The following SFI1 variants were observed in gnomAD, a reference collection of about 807,000 sequenced individuals.
SFI1 encodes protein SFI1 homolog.
SFI1 carries 195 observed loss-of-function variants against 207.5 expected under a neutral mutation model. That is an observed-to-expected ratio of 0.94 (90% CI 0.84 to 1.06). The LOEUF (loss-of-function observed/expected upper bound fraction) is 1.06. Among genes scored for constraint, SFI1 ranks in the 50% least tolerant of loss-of-function variants. The pLI, the probability that SFI1 is intolerant of heterozygous loss-of-function variation, is 0.00. For missense variants in SFI1, 1,634 were observed against 1,588.0 expected, an observed-to-expected ratio of 1.03 and a Z score of -0.49; for synonymous variants, 630 against 598.9, an observed-to-expected ratio of 1.05 and a Z score of -0.76.
intron 6 of SFI1, among the ~76,000 whole-genome samples, chr22:31,552,761 A>G (rs1431065378): frequency 6.6e-6 from 1 of 152,148 alleles, no homozygotes; most frequent in Non-Finnish European, 1.5e-5. Context: ...ACTGTTTTCC[A>G]TAGAGGTTCA....
intron 8 of SFI1, among the ~76,000 whole-genome samples, chr22:31,568,796 T>C (rs1428792046): frequency 3.9e-5 from 6 of 152,054 alleles, no homozygotes; most frequent in Non-Finnish European, 8.8e-5. Flanking sequence ...ATAGAAAAGT[T>C]TGAGCATCAA....
chr22:31,581,620 T>C (rs1274481349), intron 12 of SFI1, among the ~76,000 whole-genome samples: 1 of 152,162 alleles, frequency 6.6e-6, no homozygotes, highest in African/African-American at 2.4e-5. Flanking sequence ...TGTGTTTCTA[T>C]TGTAAGTCTA....
intron 15 of SFI1, among the ~76,000 whole-genome samples, chr22:31,599,609 C>T (rs1364576208): frequency 2.6e-5 from 4 of 151,890 alleles, no homozygotes; most frequent in African/African-American, 7.3e-5. Flanking sequence ...GGATTACAGG[C>T]GTGAGCCACC....
intron 3 of SFI1, among the ~76,000 whole-genome samples, chr22:31,529,762 C>A (rs538058899): frequency 1.3e-5 from 2 of 152,196 alleles, no homozygotes; most frequent in East Asian, 3.9e-4. Context: ...CCAGCAGTTA[C>A]TCTCTGGAGG....
chr22:31,508,511 T>G (rs2055001880), intron 2 of SFI1, 135 bp downstream of exon 2: 1 of 611,110 alleles, frequency 1.6e-6, no homozygotes, highest in Non-Finnish European at 2.8e-6. Flanking sequence ...CATTGATATT[T>G]CAAATTTTTC....
chr22:31,583,833 T>A (rs749749337), intron 12 of SFI1, 42 bp from the exon 13 acceptor site: 1 of 1,555,114 alleles, frequency 6.4e-7, no homozygotes, highest in East Asian at 2.2e-5. Flanking sequence ...TGTTTTACCT[T>A]TCATCTCAGT....
rs73881394 is a variant in SFI1 at position 31,618,310 on chromosome 22, C to T, written c.3625-4C>T. 3.0e-3 allele frequency: 4,840 copies of T among 1,608,620 alleles called. 109 individuals carry two copies. The African/African-American group carries it at 0.05, about 17-fold the overall frequency. On this transcript the variant is annotated splice_polypyrimidine_tract_variant and splice_region_variant and intron_variant, in intron 32 of 32. Transcript: ENST00000400288. ...CAGCCCTGCCTGTCCCTCCATGGCCCCAGGTGGAAATGCAGATCCAGCTGC... is the reference window on the plus strand; with the variant it reads ...CAGCCCTGCCTGTCCCTCCATGGCCTCAGGTGGAAATGCAGATCCAGCTGC...
At chr22:31,593,775 C>G (rs966387941) in intron 15 of SFI1, among the ~76,000 whole-genome samples, 1 of 150,808 alleles carries the variant, frequency 6.6e-6, no homozygotes, top group African/African-American at 2.4e-5. Context: ...TGGTGGATCA[C>G]TCGCGGTTAG....
chr22:31,554,808 G>A (rs1197892884), intron 6 of SFI1, among the ~76,000 whole-genome samples: 1 of 151,824 alleles, frequency 6.6e-6, no homozygotes. Context: ...GACATTTACT[G>A]CTATAAAGTT....
At chr22:31,528,469 C>A (rs1052389643) in intron 2 of SFI1, among the ~76,000 whole-genome samples, 2 of 152,148 alleles carry the variant, frequency 1.3e-5, no homozygotes, top group African/African-American at 2.4e-5. Flanking sequence ...AGGGGGTGCC[C>A]TCCAGCTCTG....
intron 14 of SFI1, among the ~76,000 whole-genome samples, chr22:31,588,811 C>CA (rs537432528): frequency 0.05 from 5,208 of 103,422 alleles, 229 homozygotes; most frequent in African/African-American, 0.15. Context: ...GACTCTGTCT[C>CA]AAAAAAAAAA....
At chr22:31,591,462 C>G (rs1044915230) in intron 15 of SFI1, among the ~76,000 whole-genome samples, 4 of 152,108 alleles carry the variant, frequency 2.6e-5, no homozygotes, top group Non-Finnish European at 2.9e-5. Context: ...CATCCTGGCC[C>G]GTTCTCAATG....
chr22:31,614,695 A>T, intron 27 of SFI1, 94 bp from the exon 28 acceptor site: 2 of 1,423,102 alleles, frequency 1.4e-6, no homozygotes, highest in Non-Finnish European at 2.0e-6. Context: ...CCTGACTTTC[A>T]GTCTCCCTAT....
intron 4 of SFI1, among the ~76,000 whole-genome samples, chr22:31,537,527 G>A (rs1442558676): frequency 1.3e-5 from 2 of 152,192 alleles, no homozygotes; most frequent in East Asian, 3.8e-4. Flanking sequence ...GTAGGCGGGT[G>A]TAGAGGAAAG....
At chr22:31,590,116 C>G (rs1048049240) in intron 15 of SFI1, among the ~76,000 whole-genome samples, 3 of 151,406 alleles carry the variant, frequency 2.0e-5, no homozygotes, top group Admixed American at 1.3e-4. Context: ...CAGATTCTTT[C>G]TCCTTTTGTT....
intron 10 of SFI1, 102 bp from the exon 11 acceptor site, chr22:31,578,280 G>A (rs1342387684): frequency 9.6e-6 from 11 of 1,150,388 alleles, no homozygotes; most frequent in African/African-American, 1.5e-5. Flanking sequence ...CCTGGCACGT[G>A]TGTTATCCCC....
chr22:31,581,572 A>G (rs1354872839), intron 12 of SFI1, among the ~76,000 whole-genome samples: 2 of 152,072 alleles, frequency 1.3e-5, no homozygotes, highest in Admixed American at 6.6e-5. Context: ...GATTACAGAC[A>G]TGAGCCACCA....
At position 31,611,189 on chromosome 22, in the gene SFI1, G is replaced by A. The variant is rs759944039; in HGVS notation, c.2301G>A (p.Arg767=). 4.3e-6 allele frequency: 7 copies of A among 1,614,006 alleles called. No homozygotes were observed. Among genetic ancestry groups the A allele is most frequent in the Admixed American group, 3.3e-5 (2 of 60,004 alleles). The change falls in exon 23 of 33, where the codon AGG becomes AGA. Residue 767 remains arginine (R), a synonymous_variant. Coordinates refer to ENST00000400288, the MANE Select transcript of SFI1 (RefSeq NM_001007467.3). ...WFQRWWDCSR[R]SAQQRLQLER... is the part of the protein sequence containing the mutation. ...AGCGCTGGTGGGACTGCAGCCGGAG[G>A]TCAGCCCAGCAGAGACTGCAGCTGG...
rs1484435201 is a variant in SFI1 at position 31,613,353 on chromosome 22, G to A, written c.2566-1G>A. The stretch of plus-strand genomic sequence containing the variant: ...GGCCTCACCTCCTGCCCTCCCTGGA[G>A]GTGTGGGCCACGTGGCTGGCCTTTG... On this transcript the variant is annotated splice_acceptor_variant, in intron 25 of 32. Transcript: ENST00000400288. LOFTEE classifies it high-confidence loss of function. 1 of 1,607,878 alleles carries A rather than the reference G, an allele frequency of 6.2e-7. No homozygotes were observed. Among genetic ancestry groups the A allele is most frequent in the Non-Finnish European group, 8.5e-7 (1 of 1,176,590 alleles).
Sources: gnomAD v4.1 joint callset for allele counts (sites outside exome capture counted in the v4.1 genomes callset) on GRCh38, gnomAD v4.1.1 for gene constraint, MANE v1.5 for transcripts, NCBI Gene and HGNC (gene_info 2026-07-23, HGNC 2026-07-21) for gene names.